Variants in ST3GAL4 observed in about 807,000 individuals in gnomAD.
The protein encoded by ST3GAL4 is ST3 beta-galactoside alpha-2,3-sialyltransferase 4, also known as CMP-N-acetylneuraminate-beta-galactosamide-alpha-2,3-sialyltransferase 4.
ST3GAL4 carries 24 observed loss-of-function variants against 42.6 expected under a neutral mutation model. That is an observed-to-expected ratio of 0.56 (90% CI 0.41 to 0.79). The LOEUF is 0.79. ST3GAL4 is among the 30% of genes least tolerant of loss of function. The probability of loss-of-function intolerance (pLI) is 0.00; values close to 1 mark genes in which losing one functional copy is unlikely to be tolerated. For synonymous variants in ST3GAL4, 135 were observed against 163.2 expected, an observed-to-expected ratio of 0.83 and a Z score of 1.32; for missense variants, 311 against 430.8, an observed-to-expected ratio of 0.72 and a Z score of 2.46.
rs1371512137 is a variant in ST3GAL4 at position 126,363,083 on chromosome 11, C to T, written c.-61+7241C>T. ...TAAGATGAGTGGTCTAGAAATCCCT[C>T]CCCAGCTGGGCTGGACTGAATGAGG... On this transcript the variant is annotated intron_variant, in intron 1 of 10. Coordinates refer to ENST00000444328, the MANE Select transcript of ST3GAL4 (RefSeq NM_001254757.2). The surrounding 1 kb of genome is among the most constrained non-coding windows in gnomAD (Gnocchi z 4.6). 6.6e-6 allele frequency among the ~76,000 whole-genome samples: 1 copy of T among 152,194 alleles called. No individual in the cohort carries two copies. The highest frequency in any genetic ancestry group is 2.4e-5 in the African/African-American group (1 of 41,440).
intron 1 of ST3GAL4, among the ~76,000 whole-genome samples, chr11:126,374,637 G>A (rs1287176384): frequency 6.6e-6 from 1 of 152,030 alleles, no homozygotes; most frequent in African/African-American, 2.4e-5. Flanking sequence ...AGCCTCCATG[G>A]AGAGGAGTTG....
In ST3GAL4 at chr11:126,366,585, A is replaced by G. The variant is rs1952435289; in HGVS notation, c.-61+10743A>G. On this transcript the variant is annotated intron_variant, in intron 1 of 10. Coordinates refer to ENST00000444328, the MANE Select transcript of ST3GAL4 (RefSeq NM_001254757.2). This position sits in a 1 kb window ranked among gnomAD's most constrained non-coding sequence, Gnocchi z 4.2. ...CTGTTCCACTCTCCTTCCCGTGTGCAGGGCCCTCCCCTCTGGCGAGTCTGC... is the reference window on the plus strand; with the variant it reads ...CTGTTCCACTCTCCTTCCCGTGTGCGGGGCCCTCCCCTCTGGCGAGTCTGC... Among the ~76,000 whole-genome samples the G allele has an allele frequency of 1.3e-5, 2 of 152,128 alleles. No homozygotes were observed. Among genetic ancestry groups the G allele is most frequent in the African/African-American group, 2.4e-5 (1 of 41,426 alleles).
At position 126,379,783 on chromosome 11, in the gene ST3GAL4, T is replaced by C. The variant is rs1327452728; in HGVS notation, c.-61+23941T>C. On this transcript the variant is annotated intron_variant, in intron 1 of 10. Transcript: ENST00000444328. The surrounding 1 kb of genome is among the most constrained non-coding windows in gnomAD (Gnocchi z 4.2). The stretch of plus-strand genomic sequence containing the variant: ...ATGAGCCACCACACCCGGCCTGTTA[T>C]CCTTAATTTTAAATCACATGTGGAT... Among the ~76,000 whole-genome samples, 1 of 152,058 alleles carries C rather than the reference T, an allele frequency of 6.6e-6. No individual in the cohort carries two copies. Among genetic ancestry groups the C allele is most frequent in the African/African-American group, 2.4e-5 (1 of 41,378 alleles).
intron 5 of ST3GAL4, 104 bp from the exon 6 acceptor site, chr11:126,407,470 G>A (rs979574368): frequency 6.4e-7 from 1 of 1,563,284 alleles, no homozygotes; most frequent in Non-Finnish European, 8.8e-7. Flanking sequence ...CAGGGTCAGG[G>A]GAAGAAGAAG....
Position 126,406,883 on chromosome 11 carries a change from TG to T in ST3GAL4, c.102-58del. Reference sequence around the variant, plus strand: ...GCCGTGGGAGAAGGCTTAGGCTGCCTGGAACATGGGTCCCTGGGTCTGACTG... The same window carrying T: ...GCCGTGGGAGAAGGCTTAGGCTGCCTGAACATGGGTCCCTGGGTCTGACTG... On this transcript the variant is annotated intron_variant, in intron 3 of 10. Transcript: ENST00000444328. The surrounding 1 kb of genome is among the most constrained non-coding windows in gnomAD (Gnocchi z 5.4). 6.7e-7 allele frequency: 1 copy of T among 1,488,578 alleles called. No homozygotes were observed. The highest frequency in any genetic ancestry group is 2.2e-4 in the Middle Eastern group (1 of 4,644). 92.2% of individuals were successfully genotyped at this position (1,488,578 alleles called of 1,614,324 possible). A position where few individuals can be genotyped will look rare whatever the true frequency, so the allele number is the denominator to read the frequency against.
rs1189588947 is a variant in ST3GAL4 at position 126,366,550 on chromosome 11, T to G, written c.-61+10708T>G. ...TTCCCACGTCTTCATTGAGTCCTCA[T>G]CTGGGGGCCCTGTTCCACTCTCCTT... On this transcript the variant is annotated intron_variant, in intron 1 of 10. Coordinates refer to ENST00000444328, the MANE Select transcript of ST3GAL4 (RefSeq NM_001254757.2). This position sits in a 1 kb window ranked among gnomAD's most constrained non-coding sequence, Gnocchi z 4.2. Among the ~76,000 whole-genome samples, 1 of 152,148 alleles carries G rather than the reference T, an allele frequency of 6.6e-6. No homozygotes were observed.
chr11:126,395,522 G>A (rs1365148246), intron 1 of ST3GAL4, among the ~76,000 whole-genome samples: 2 of 152,114 alleles, frequency 1.3e-5, no homozygotes, highest in Non-Finnish European at 2.9e-5. Context: ...GCAGTGATAC[G>A]GTTTGGCTGT....
rs150025921 is a variant in ST3GAL4 at position 126,406,163 on chromosome 11, G to A, written c.8G>A (p.Ser3Asn). The A allele has an allele frequency of 1.3e-4, 209 of 1,557,400 alleles. No homozygotes were observed. The highest frequency in any genetic ancestry group is 1.8e-4 in the Non-Finnish European group (202 of 1,150,386). MV[S>N]KSRWKLLAML... ...TGCTGCCTGCTGAGAAACATGGTCA[G>A]CAAGTCCCGTGAGTGTCATCCGAGG... The change falls in exon 2 of 11, where the codon AGC (serine) becomes AAC (asparagine). Residue 3 changes from serine (S) to asparagine (N), a missense_variant. Physicochemically the swap from Ser to Asn is conservative, Grantham distance 46 (BLOSUM62 1). Coordinates refer to ENST00000444328, the MANE Select transcript of ST3GAL4 (RefSeq NM_001254757.2). This position sits in a 1 kb window ranked among gnomAD's most constrained non-coding sequence, Gnocchi z 5.4.
chr11:126,387,313 C>A (rs185788574), intron 1 of ST3GAL4, among the ~76,000 whole-genome samples: 1 of 152,308 alleles, frequency 6.6e-6, no homozygotes, highest in Admixed American at 6.5e-5. Context: ...TGTGAGATTT[C>A]AATATTTTTT....
In ST3GAL4 at chr11:126,408,563, C is replaced by T. The variant is rs114540788; in HGVS notation, c.627+67C>T. On this transcript the variant is annotated intron_variant, in intron 8 of 10. Transcript: ENST00000444328. Reference sequence around the variant, plus strand: ...GGACGCTGCCCGAGTCAGGACCTCACGCTCCTTGATGTCCGCCTGGCAGTC... The same window carrying T: ...GGACGCTGCCCGAGTCAGGACCTCATGCTCCTTGATGTCCGCCTGGCAGTC... 5.3e-3 allele frequency: 8,245 copies of T among 1,559,480 alleles called. 366 individuals are homozygous for T. In the African/African-American group the frequency reaches 0.098, roughly 19 times the overall value.
rs1436565685 is a variant in ST3GAL4, at chr11:126,366,406, G to C, written c.-61+10564G>C. On this transcript the variant is annotated intron_variant, in intron 1 of 10. Transcript: ENST00000444328. This position sits in a 1 kb window ranked among gnomAD's most constrained non-coding sequence, Gnocchi z 4.2. Reference sequence around the variant, plus strand: ...GAGAGCTGGGTGTGTGTGTGCGCATGCCTGTGTCTGTGTGATCTGGTTCCC... The same window carrying C: ...GAGAGCTGGGTGTGTGTGTGCGCATCCCTGTGTCTGTGTGATCTGGTTCCC... Among the ~76,000 whole-genome samples the C allele has an allele frequency of 1.3e-5, 2 of 152,162 alleles. No individual in the cohort carries two copies. Among genetic ancestry groups the C allele is most frequent in the South Asian group, 4.1e-4 (2 of 4,832 alleles).
intron 1 of ST3GAL4, among the ~76,000 whole-genome samples, chr11:126,360,038 T>G (rs1488125870): frequency 6.6e-6 from 1 of 152,198 alleles, no homozygotes; most frequent in African/African-American, 2.4e-5. Flanking sequence ...ATGCCCGTCC[T>G]GGGCTGGCTC....
Position 126,406,863 on chromosome 11 carries a change from G to A in ST3GAL4, c.102-80G>A, listed in dbSNP as rs573364151. The A allele has an allele frequency of 5.3e-6, 7 of 1,317,666 alleles. No individual in the cohort carries two copies. The African/African-American group carries it at 8.8e-5, about 17-fold the overall frequency. The allele number at this position is 1,317,666 out of a possible 1,614,324, so 81.6% of individuals were successfully genotyped here. A position where few individuals can be genotyped will look rare whatever the true frequency, so the allele number is the denominator to read the frequency against. On this transcript the variant is annotated intron_variant, in intron 3 of 10. Transcript: ENST00000444328. The surrounding 1 kb of genome is among the most constrained non-coding windows in gnomAD (Gnocchi z 5.4). Reference sequence around the variant, plus strand: ...CGGCACCTTGGGACCTTCATGCCGTGGGAGAAGGCTTAGGCTGCCTGGAAC... The same window carrying A: ...CGGCACCTTGGGACCTTCATGCCGTAGGAGAAGGCTTAGGCTGCCTGGAAC...
At chr11:126,370,597 G>T (rs993537226) in intron 1 of ST3GAL4, among the ~76,000 whole-genome samples, 2 of 151,312 alleles carry the variant, frequency 1.3e-5, no homozygotes, top group Non-Finnish European at 2.9e-5. Context: ...CTTGCTCTCT[G>T]TATCTCACTT....
intron 1 of ST3GAL4, among the ~76,000 whole-genome samples, chr11:126,374,265 A>G (rs1227841627): frequency 6.6e-6 from 1 of 151,888 alleles, no homozygotes; most frequent in Non-Finnish European, 1.5e-5. Flanking sequence ...CAGCCTGGAC[A>G]ACATGGGGAA....
At chr11:126,413,821 C>CT in intron 10 of ST3GAL4, 140 bp from the exon 11 acceptor site, 1 of 1,376,546 alleles carries the variant, frequency 7.3e-7, no homozygotes, top group Non-Finnish European at 1.0e-6. Context: ...GCCACATGGG[C>CT]TTTGTCTTCC....
In ST3GAL4 at chr11:126,393,973, G is replaced by A. The variant is rs369232592; in HGVS notation, c.-60-12123G>A. ...GGGTACTAAATCTTTGAAATCCGGTGTGTATTTTCCACTTAAAGCACATGT... is the reference window on the plus strand; with the variant it reads ...GGGTACTAAATCTTTGAAATCCGGTATGTATTTTCCACTTAAAGCACATGT... On this transcript the variant is annotated intron_variant, in intron 1 of 10. Transcript: ENST00000444328. This position sits in a 1 kb window ranked among gnomAD's most constrained non-coding sequence, Gnocchi z 5.9. Among the ~76,000 whole-genome samples, 1 of 152,226 alleles carries A rather than the reference G, an allele frequency of 6.6e-6. No individual in the cohort carries two copies. Among genetic ancestry groups the A allele is most frequent in the African/African-American group, 2.4e-5 (1 of 41,460 alleles).
chr11:126,361,481 C>G lies in ST3GAL4; in HGVS notation c.-61+5639C>G, dbSNP rs149849611. Reference sequence around the variant, plus strand: ...CCTCCTCGCCTTTGCTTCTGCTGCCCCCTCACATGGCTTGGGCATTGTTGG... The same window carrying G: ...CCTCCTCGCCTTTGCTTCTGCTGCCGCCTCACATGGCTTGGGCATTGTTGG... On this transcript the variant is annotated intron_variant, in intron 1 of 10. Transcript: ENST00000444328. Among the ~76,000 whole-genome samples the G allele has an allele frequency of 4.5e-3, 690 of 152,146 alleles. 6 individuals carry two copies. The highest frequency in any genetic ancestry group is 0.015 in the African/African-American group (631 of 41,498).
intron 1 of ST3GAL4, chr11:126,356,056 C>G (rs761146532): frequency 6.6e-6 from 1 of 152,186 alleles, no homozygotes; most frequent in Non-Finnish European, 1.5e-5. Context: ...CGCGGGAAGC[C>G]GGATCCTCTC....
Sources: allele counts gnomAD v4.1 joint callset (sites outside exome capture counted in the v4.1 genomes callset), GRCh38; gene constraint gnomAD v4.1.1; non-coding constraint Gnocchi (gnomAD v3.1); transcripts MANE v1.5; gene names NCBI Gene and HGNC (gene_info 2026-07-23, HGNC 2026-07-21).